The following TMOD3 variants were observed in gnomAD, a reference collection of about 807,000 sequenced individuals.
The protein encoded by TMOD3 is tropomodulin 3.
In TMOD3, 20 loss-of-function variants were observed where a neutral mutation model predicts 39.2. The observed-to-expected ratio is 0.51, with a 90% CI of 0.36 to 0.74. The LOEUF is 0.74. TMOD3 is among the 30% of genes least tolerant of loss of function. TMOD3 has a pLI of 0.00. For synonymous variants in TMOD3, 143 were observed against 145.8 expected, an observed-to-expected ratio of 0.98 and a Z score of 0.14; for missense variants, 381 against 412.8, an observed-to-expected ratio of 0.92 and a Z score of 0.67.
At chr15:51,880,225 TA>T (rs2056526136) in intron 3 of TMOD3, among the ~76,000 whole-genome samples, 1 of 152,194 alleles carries the variant, frequency 6.6e-6, no homozygotes, top group African/African-American at 2.4e-5. Flanking sequence ...TATCTTTTTT[TA>T]ATCTTCACAT....
At chr15:51,836,409 A>T (rs1008534878) in intron 1 of TMOD3, among the ~76,000 whole-genome samples, 2 of 152,120 alleles carry the variant, frequency 1.3e-5, no homozygotes, top group Non-Finnish European at 1.5e-5. Context: ...ATAATATGTC[A>T]TATTTTGTGC....
At chr15:51,861,302 A>G in intron 1 of TMOD3, 1 of 346,634 alleles carries the variant, frequency 2.9e-6, no homozygotes, top group Non-Finnish European at 5.7e-6. Flanking sequence ...TGAGGTCCGA[A>G]CTCTACAACC....
intron 1 of TMOD3, chr15:51,861,265 CTTT>C (rs758634294): frequency 4.3e-5 from 17 of 391,876 alleles, no homozygotes; most frequent in Admixed American, 1.8e-4. Context: ...AGCTGATCTT[CTTT>C]GTGTTCCTGA....
At position 51,896,401 on chromosome 15, in the gene TMOD3, A is replaced by C; in HGVS notation, c.628-18A>C. 1 of 1,526,298 alleles carries C rather than the reference A, an allele frequency of 6.6e-7. No individual in the cohort carries two copies. Among genetic ancestry groups the C allele is most frequent in the Non-Finnish European group, 9.0e-7 (1 of 1,105,378 alleles). 94.5% of individuals were successfully genotyped at this position (1,526,298 alleles called of 1,614,324 possible). ...GAAAATTGAAATGTAATGATGTTTT[A>C]TGTTATTGTCTTTCAAGAATATCCC... On this transcript the variant is annotated intron_variant, in intron 6 of 9. Coordinates refer to ENST00000308580, the MANE Select transcript of TMOD3 (RefSeq NM_014547.5).
At chr15:51,878,676 G>GCATA (rs2056517847) in intron 3 of TMOD3, among the ~76,000 whole-genome samples, 1 of 152,164 alleles carries the variant, frequency 6.6e-6, no homozygotes, top group Non-Finnish European at 1.5e-5. Context: ...GCATCAAGCA[G>GCATA]GTGTTGTGTG....
At chr15:51,835,740 C>CT (rs1268739445) in intron 1 of TMOD3, among the ~76,000 whole-genome samples, 7 of 152,250 alleles carry the variant, frequency 4.6e-5, no homozygotes, top group Middle Eastern at 3.4e-3. Flanking sequence ...TGATAATACA[C>CT]TAAGTTTTAA....
chr15:51,877,290 A>T (rs372219336), intron 3 of TMOD3, among the ~76,000 whole-genome samples: 1 of 152,090 alleles, frequency 6.6e-6, no homozygotes, highest in South Asian at 2.1e-4. Flanking sequence ...CCAGTGCTGG[A>T]TGTATTGATA....
intron 4 of TMOD3, among the ~76,000 whole-genome samples, chr15:51,888,727 T>C (rs1420887911): frequency 6.6e-6 from 1 of 152,212 alleles, no homozygotes; most frequent in Non-Finnish European, 1.5e-5. Context: ...CTTGTGAAAT[T>C]AATGAACGGC....
chr15:51,872,601 T>TTTTTG (rs2056481156), intron 3 of TMOD3, among the ~76,000 whole-genome samples: 1 of 39,540 alleles, frequency 2.5e-5, no homozygotes, highest in African/African-American at 9.8e-5. Context: ...ACCAAATTTG[T>TTTTTG]TTTTTTTTTT....
intron 1 of TMOD3, among the ~76,000 whole-genome samples, chr15:51,835,742 A>C (rs992640567): frequency 3.3e-5 from 5 of 152,230 alleles, no homozygotes. Context: ...ATAATACACT[A>C]AGTTTTAAAA....
intron 7 of TMOD3, among the ~76,000 whole-genome samples, chr15:51,896,998 G>A (rs2056624069): frequency 6.6e-6 from 1 of 152,102 alleles, no homozygotes; most frequent in African/African-American, 2.4e-5. Context: ...TTTATATGTT[G>A]AACCAGCCTT....
At chr15:51,896,866 T>G (rs1161516628) in intron 7 of TMOD3, among the ~76,000 whole-genome samples, 1 of 152,262 alleles carries the variant, frequency 6.6e-6, no homozygotes, top group Admixed American at 6.5e-5. Flanking sequence ...TTTTAACATC[T>G]TCAGAGGATT....
At chr15:51,872,982 G>C (rs896099743) in intron 3 of TMOD3, among the ~76,000 whole-genome samples, 3 of 152,216 alleles carry the variant, frequency 2.0e-5, no homozygotes, top group Non-Finnish European at 2.9e-5. Flanking sequence ...CCATGGACCT[G>C]AAGGAGGGCA....
chr15:51,846,042 G>GCAGTGGCTCAAGT (rs1299589417), intron 1 of TMOD3, among the ~76,000 whole-genome samples: 5 of 151,516 alleles, frequency 3.3e-5, no homozygotes, highest in Non-Finnish European at 7.4e-5. Flanking sequence ...CTGACTGAGC[G>GCAGTGGCTCAAGT]CAGTGGCTCA....
intron 7 of TMOD3, among the ~76,000 whole-genome samples, chr15:51,899,634 C>T (rs2056639149): frequency 6.6e-6 from 1 of 151,366 alleles, no homozygotes; most frequent in African/African-American, 2.4e-5. Flanking sequence ...CCACTGCACT[C>T]CAGCCTGGGT....
chr15:51,875,584 T>C (rs1169986090), intron 3 of TMOD3, among the ~76,000 whole-genome samples: 1 of 151,394 alleles, frequency 6.6e-6, no homozygotes, highest in Non-Finnish European at 1.5e-5. Context: ...CATTTCTCCA[T>C]ATGATTTACA....
At chr15:51,844,582 T>A (rs2056326951) in intron 1 of TMOD3, among the ~76,000 whole-genome samples, 1 of 152,228 alleles carries the variant, frequency 6.6e-6, no homozygotes, top group Non-Finnish European at 1.5e-5. Context: ...AGTAGTTAAA[T>A]ACTGTTAAAT....
chr15:51,834,084 T>C (rs1228961036), intron 1 of TMOD3, among the ~76,000 whole-genome samples: 1 of 152,226 alleles, frequency 6.6e-6, no homozygotes, highest in Non-Finnish European at 1.5e-5. Flanking sequence ...AGTATCTTTT[T>C]TTGTGAATTG....
At chr15:51,835,732 A>G (rs1359449350) in intron 1 of TMOD3, among the ~76,000 whole-genome samples, 2 of 152,176 alleles carry the variant, frequency 1.3e-5, no homozygotes, top group Non-Finnish European at 2.9e-5. Flanking sequence ...TTATTTGCTG[A>G]TAATACACTA....
Sources: gnomAD v4.1 joint callset for allele counts (sites outside exome capture counted in the v4.1 genomes callset) on GRCh38, gnomAD v4.1.1 for gene constraint, MANE v1.5 for transcripts, NCBI Gene and HGNC (gene_info 2026-07-23, HGNC 2026-07-21) for gene names.